Variants in FSTL5 observed in about 807,000 individuals in gnomAD.
FSTL5 encodes the protein follistatin-related protein 5.
FSTL5 carries 62 observed loss-of-function variants against 89.1 expected under a neutral mutation model. The observed-to-expected ratio is 0.70, with a 90% CI of 0.57 to 0.86. The LOEUF is 0.86. FSTL5 is among the 40% of genes least tolerant of loss of function. The pLI is 0.00. For synonymous variants in FSTL5, 383 were observed against 346.2 expected, an observed-to-expected ratio of 1.11 and a Z score of -1.18; for missense variants, 1,057 against 1,001.6, an observed-to-expected ratio of 1.06 and a Z score of -0.75.
At chr4:161,738,525 G>A (rs1320663505) in intron 6 of FSTL5, among the ~76,000 whole-genome samples, 2 of 151,970 alleles carry the variant, frequency 1.3e-5, no homozygotes, top group African/African-American at 2.4e-5. Flanking sequence ...ATAAGAGTCA[G>A]ATAAAAATCA....
chr4:161,619,739 T>C (rs1735044280), intron 7 of FSTL5, among the ~76,000 whole-genome samples: 1 of 152,062 alleles, frequency 6.6e-6, no homozygotes, highest in Non-Finnish European at 1.5e-5. Flanking sequence ...ACACTGTTGG[T>C]GGGACTGTAA....
intron 1 of FSTL5, among the ~76,000 whole-genome samples, chr4:162,122,992 A>G (rs1051270481): frequency 6.6e-6 from 1 of 152,098 alleles, no homozygotes; most frequent in Non-Finnish European, 1.5e-5. Context: ...AATGTAAATT[A>G]AGGAAGAATA....
At chr4:162,150,580 GA>G (rs971599143) in intron 1 of FSTL5, among the ~76,000 whole-genome samples, 1 of 151,890 alleles carries the variant, frequency 6.6e-6, no homozygotes. Context: ...ATTACTACCA[GA>G]AAAAAACATT....
At chr4:162,100,619 T>C (rs1282578377) in intron 2 of FSTL5, among the ~76,000 whole-genome samples, 1 of 152,182 alleles carries the variant, frequency 6.6e-6, no homozygotes, top group East Asian at 1.9e-4. Flanking sequence ...TCAAAACCCC[T>C]AGAATATACA....
chr4:162,134,844 G>A (rs1360398392), intron 1 of FSTL5, among the ~76,000 whole-genome samples: 1 of 152,168 alleles, frequency 6.6e-6, no homozygotes, highest in East Asian at 1.9e-4. Context: ...AACTTATACA[G>A]TCAGCCAGGC....
rs148086250 is a variant in FSTL5, at chr4:161,520,981, T to C, written c.1313-10557A>G. Among the ~76,000 whole-genome samples, 13 of 152,354 alleles carry C rather than the reference T, an allele frequency of 8.5e-5. No homozygotes were observed. The East Asian group carries it at 2.3e-3, about 27-fold the overall frequency. On this transcript the variant is annotated intron_variant, in intron 10 of 15. Coordinates refer to ENST00000306100, the MANE Select transcript of FSTL5 (RefSeq NM_020116.5). Reference sequence around the variant, plus strand: ...GCCTGGGGTGTCTCTGAATCTTTTGTCCTTGGATATTTTTTCCTTCTCTGT... The same window carrying C: ...GCCTGGGGTGTCTCTGAATCTTTTGCCCTTGGATATTTTTTCCTTCTCTGT...
chr4:162,069,491 T>A (rs903958066), intron 2 of FSTL5, among the ~76,000 whole-genome samples: 1 of 151,918 alleles, frequency 6.6e-6, no homozygotes, highest in Admixed American at 6.6e-5. Context: ...AACTTATTCC[T>A]CCTATTTAGC....
intron 2 of FSTL5, among the ~76,000 whole-genome samples, chr4:162,047,800 G>A (rs1029395226): frequency 7.3e-5 from 11 of 151,464 alleles, no homozygotes; most frequent in Non-Finnish European, 1.6e-4. Context: ...ACTCCAGCCC[G>A]GGCAACAAGA....
chr4:161,887,807 T>C (rs537620290), intron 4 of FSTL5, among the ~76,000 whole-genome samples: 1 of 152,310 alleles, frequency 6.6e-6, no homozygotes, highest in African/African-American at 2.4e-5. Flanking sequence ...TAATCTTCCA[T>C]AGGAAAATGC....
rs148805700 is a variant in FSTL5 at position 161,942,345 on chromosome 4, T to C, written c.161-21693A>G. On this transcript the variant is annotated intron_variant, in intron 3 of 15. Coordinates refer to ENST00000306100, the MANE Select transcript of FSTL5 (RefSeq NM_020116.5). ...ATCAATTAAACCCAAGTTGGTTCTT[T>C]GGAAAGATCAACATAATTGACAAAA... Among the ~76,000 whole-genome samples the C allele has an allele frequency of 7.8e-4, 118 of 152,056 alleles. 1 individual carries two copies. In the East Asian group the frequency reaches 0.02, roughly 26 times the overall value.
intron 4 of FSTL5, among the ~76,000 whole-genome samples, chr4:161,872,140 G>GTTTTTTTTTTTTTTTT (rs1491313878): frequency 1.3e-4 from 9 of 67,494 alleles, no homozygotes; most frequent in Non-Finnish European, 2.2e-4. Context: ...TTTTTTTTTT[G>GTTTTTTTTTTTTTTTT]GTTTTTTTTT....
chr4:161,669,052 C>T (rs1736994304), intron 6 of FSTL5, among the ~76,000 whole-genome samples: 1 of 140,586 alleles, frequency 7.1e-6, no homozygotes. Flanking sequence ...GCAGAGGTTG[C>T]AGTGAACTGA....
chr4:161,803,229 GCTA>G (rs1729853701), intron 4 of FSTL5, among the ~76,000 whole-genome samples: 1 of 151,886 alleles, frequency 6.6e-6, no homozygotes, highest in African/African-American at 2.4e-5. Context: ...TCAGGTTCAT[GCTA>G]CGACTATATC....
chr4:161,488,992 T>C (rs1241086925), intron 12 of FSTL5, among the ~76,000 whole-genome samples: 1 of 152,110 alleles, frequency 6.6e-6, no homozygotes, highest in East Asian at 1.9e-4. Context: ...ATCGAGAGGA[T>C]TAAATCAGAG....
At chr4:161,829,477 T>C (rs997955993) in intron 4 of FSTL5, among the ~76,000 whole-genome samples, 14 of 151,970 alleles carry the variant, frequency 9.2e-5, no homozygotes, top group South Asian at 4.1e-4. Context: ...ATATTATAAT[T>C]AATGTATGTA....
intron 2 of FSTL5, among the ~76,000 whole-genome samples, chr4:162,076,773 T>C (rs535528975): frequency 4.9e-4 from 74 of 151,922 alleles, no homozygotes; most frequent in Admixed American, 9.2e-4. Context: ...CCAAACAGGT[T>C]CTATAACGGC....
At chr4:161,962,710 T>A (rs1040263103) in intron 3 of FSTL5, among the ~76,000 whole-genome samples, 3 of 152,004 alleles carry the variant, frequency 2.0e-5, no homozygotes, top group Non-Finnish European at 4.4e-5. Flanking sequence ...GCAGGCACCA[T>A]GAATTAAGTA....
intron 1 of FSTL5, among the ~76,000 whole-genome samples, chr4:162,156,403 C>T (rs76905192): frequency 0.018 from 2,774 of 152,134 alleles, 88 homozygotes; most frequent in African/African-American, 0.061. Flanking sequence ...TAGATAGCCA[C>T]AAGAAAATTA....
intron 2 of FSTL5, among the ~76,000 whole-genome samples, chr4:162,073,540 G>A (rs1207701851): frequency 1.3e-5 from 2 of 151,634 alleles, no homozygotes; most frequent in African/African-American, 4.8e-5. Flanking sequence ...GTCTCAAGAA[G>A]CAGAAAATTG....
Sources: gnomAD v4.1 joint callset for allele counts (sites outside exome capture counted in the v4.1 genomes callset) on GRCh38, gnomAD v4.1.1 for gene constraint, MANE v1.5 for transcripts, NCBI Gene and HGNC (gene_info 2026-07-23, HGNC 2026-07-21) for gene names.